The following ADAM33 variants were observed in gnomAD, a reference collection of about 807,000 sequenced individuals.
The protein encoded by ADAM33 is disintegrin and metalloproteinase domain-containing protein 33.
ADAM33 carries 103 observed loss-of-function variants against 106.2 expected under a neutral mutation model. The ratio of observed to expected loss-of-function variants is 0.97; its 90% CI spans 0.83 to 1.14. The LOEUF is 1.14. ADAM33 is among the 50% of genes most tolerant of loss of function. The pLI, the probability that ADAM33 is intolerant of heterozygous loss-of-function variation, is 0.00. For synonymous variants in ADAM33, 483 were observed against 453.0 expected, an observed-to-expected ratio of 1.07 and a Z score of -0.84; for missense variants, 1,120 against 1,096.6, an observed-to-expected ratio of 1.02 and a Z score of -0.30.
chr20:3,671,400 C>T lies in ADAM33; in HGVS notation c.1983+19G>A. The stretch of plus-strand genomic sequence containing the variant: ...AGGATTAGGAACCCCAAGGTCACCC[C>T]CACTCCTCGGGCTCTCACCCCGTGG... On this transcript the variant is annotated intron_variant, in intron 17 of 21. Transcript: ENST00000356518. 1 of 1,611,298 alleles carries T rather than the reference C, an allele frequency of 6.2e-7. No individual in the cohort carries two copies. The highest frequency in any genetic ancestry group is 1.1e-5 in the South Asian group (1 of 90,982).
chr20:3,680,501 A>G (rs2088394379), intron 1 of ADAM33, among the ~76,000 whole-genome samples: 1 of 152,092 alleles, frequency 6.6e-6, no homozygotes, highest in African/African-American at 2.4e-5. Context: ...CCAGACTACA[A>G]ACATCAAAGA....
chr20:3,677,029 A>G, intron 3 of ADAM33, 38 bp downstream of exon 3: 1 of 1,603,580 alleles, frequency 6.2e-7, no homozygotes. Flanking sequence ...CCCAACACTG[A>G]TCCCCTCCTC....
intron 19 of ADAM33, chr20:3,669,957 C>T: frequency 2.0e-6 from 1 of 507,832 alleles, no homozygotes; most frequent in South Asian, 2.1e-5. Flanking sequence ...GGATGTCCGC[C>T]CCTTCGGCAG....
At chr20:3,679,219 G>A (rs1031390870) in intron 2 of ADAM33, among the ~76,000 whole-genome samples, 1 of 151,094 alleles carries the variant, frequency 6.6e-6, no homozygotes, top group African/African-American at 2.4e-5. Flanking sequence ...TGGGGGTGGG[G>A]GTGGCCCAGA....
intron 1 of ADAM33, among the ~76,000 whole-genome samples, chr20:3,679,825 C>G (rs1197611507): frequency 6.6e-6 from 1 of 152,168 alleles, no homozygotes; most frequent in African/African-American, 2.4e-5. Context: ...ACACGGGAGT[C>G]CCCTGACCTT....
intron 8 of ADAM33, 32 bp downstream of exon 8, chr20:3,674,032 C>T (rs777480732): frequency 2.0e-5 from 32 of 1,613,460 alleles, no homozygotes; most frequent in Non-Finnish European, 2.5e-5. Flanking sequence ...CGCCGCCACC[C>T]CCATCACCGC....
At chr20:3,669,028 C>G (rs1404661746) in intron 21 of ADAM33, 28 bp from the exon 22 acceptor site, 2 of 1,613,678 alleles carry the variant, frequency 1.2e-6, no homozygotes, top group South Asian at 2.2e-5. Context: ...ATGTTGTCCC[C>G]TAAGGACTGG....
In ADAM33 at chr20:3,669,591, G is replaced by T; in HGVS notation, c.2287C>A (p.Pro763Thr). Residue 763 changes from proline to threonine, a missense_variant, in exon 20 of 22, where the codon CCC becomes ACC. By Grantham distance (38) the Pro-to-Thr change is conservative. Coordinates refer to ENST00000356518, the MANE Select transcript of ADAM33 (RefSeq NM_025220.5). The stretch of plus-strand genomic sequence containing the variant: ...GTGGCTGTGGGGCCCAACTCCATGG[G>T]GTGAACGCCGCCCAGGGGGTGGTCC... Reference protein sequence around the residue: ...HRDHPLGGVHPMELGPTATGQ... With the variant: ...HRDHPLGGVHTMELGPTATGQ... 6.2e-7 allele frequency: 1 copy of T among 1,603,738 alleles called. No homozygotes were observed. The highest frequency in any genetic ancestry group is 1.7e-5 in the Admixed American group (1 of 58,376).
chr20:3,669,626 C>T lies in ADAM33; in HGVS notation c.2252G>A (p.Gly751Asp), dbSNP rs1429772298. Residue 751 changes from glycine (G) to aspartate (D), a missense_variant, in exon 20 of 22, where the codon GGC becomes GAC. Coordinates refer to ENST00000356518, the MANE Select transcript of ADAM33 (RefSeq NM_025220.5). The part of the protein sequence containing the change: ...RDPACSGPKD[G>D]PHRDHPLGGV... Reference sequence around the variant, plus strand: ...GCCCAGGGGGTGGTCCCTGTGTGGGCCATCTTTGGGGCTGAGCAACGTGAT... The same window carrying T: ...GCCCAGGGGGTGGTCCCTGTGTGGGTCATCTTTGGGGCTGAGCAACGTGAT... 1 of 1,601,544 alleles carries T rather than the reference C, an allele frequency of 6.2e-7. No individual in the cohort carries two copies. Among genetic ancestry groups the T allele is most frequent in the Non-Finnish European group, 8.5e-7 (1 of 1,175,048 alleles).
intron 21 of ADAM33, 122 bp from the exon 22 acceptor site, chr20:3,669,122 C>T: frequency 4.6e-6 from 6 of 1,303,848 alleles, no homozygotes; most frequent in Non-Finnish European, 6.7e-6. Context: ...CAGCTTCTCC[C>T]TCCCCAGCCC....
At chr20:3,678,150 G>A (rs572983856) in intron 2 of ADAM33, among the ~76,000 whole-genome samples, 7 of 152,376 alleles carry the variant, frequency 4.6e-5, no homozygotes, top group East Asian at 3.9e-4. Flanking sequence ...GGTCTGCACC[G>A]GGAAAAAGGC....
At position 3,669,530 on chromosome 20, in the gene ADAM33, C is replaced by G. The variant is rs748150076; in HGVS notation, c.2332+16G>C. Reference sequence around the variant, plus strand: ...TTCTCCCTTCCCTCTCCACCTCCCCCTGGTGCCTCACTCACCCAGGGGCCA... The same window carrying G: ...TTCTCCCTTCCCTCTCCACCTCCCCGTGGTGCCTCACTCACCCAGGGGCCA... On this transcript the variant is annotated intron_variant, in intron 20 of 21. Coordinates refer to ENST00000356518, the MANE Select transcript of ADAM33 (RefSeq NM_025220.5). 7.0e-6 allele frequency: 11 copies of G among 1,569,520 alleles called. No homozygotes were observed. The South Asian group carries it at 1.3e-4, about 18-fold the overall frequency.
rs553889164 is a variant in ADAM33, at chr20:3,668,607, A to G, written c.*356T>C. The G allele has an allele frequency of 2.5e-4, 81 of 329,092 alleles. No homozygotes were observed. The South Asian group carries it at 3.2e-3, about 13-fold the overall frequency. The allele number at this position is 329,092 out of a possible 1,614,324, so 20.4% of individuals were successfully genotyped here. ...CCTCCACAGAGCTGGGTCCGTGGAA[A>G]TTGCATGTAGGAGACACACCAGACT... is the stretch of plus-strand genomic sequence containing the variant. On this transcript the variant is annotated 3_prime_UTR_variant, in exon 22 of 22. Transcript: ENST00000356518.
chr20:3,675,930 A>C lies in ADAM33; in HGVS notation c.255-825T>G, dbSNP rs2087915990. The stretch of plus-strand genomic sequence containing the variant: ...TGCCCCCTACCCCTGCCCCACACAC[A>C]CCCGCCACCCTAGGAGGTAGGTGAT... On this transcript the variant is annotated intron_variant, in intron 3 of 21. Transcript: ENST00000356518. This position sits in a 1 kb window ranked among gnomAD's most constrained non-coding sequence, Gnocchi z 4.1. Among the ~76,000 whole-genome samples the C allele has an allele frequency of 7.2e-6, 1 of 139,696 alleles. No homozygotes were observed. The highest frequency in any genetic ancestry group is 1.6e-5 in the Non-Finnish European group (1 of 64,322). The allele number at this position is 139,696 out of a possible 152,430, so 91.6% of individuals were successfully genotyped here.
intron 1 of ADAM33, 137 bp from the exon 2 acceptor site, chr20:3,679,708 C>T (rs965631692): frequency 1.2e-5 from 8 of 684,292 alleles, no homozygotes; most frequent in East Asian, 2.8e-5. Context: ...CTTCAACACG[C>T]GTGGGCTCAG....
At chr20:3,672,059 C>A in intron 14 of ADAM33, 74 bp from the exon 15 acceptor site, 2 of 1,569,806 alleles carry the variant, frequency 1.3e-6, no homozygotes, top group Non-Finnish European at 1.7e-6. Context: ...TTCCCCTGCC[C>A]ATCTTCCCCA....
rs1377298973 is a variant in ADAM33 at position 3,673,363 on chromosome 20, G to A, written c.1124C>T (p.Ala375Val). 6.5e-7 allele frequency: 1 copy of A among 1,539,624 alleles called. No individual in the cohort carries two copies. The highest frequency in any genetic ancestry group is 1.2e-5 in the South Asian group (1 of 84,294). ...AAESGGCVMA[A>V]ATGHPFPRVF... ...CCCCCCACCCGCGTACCCGGTGGCC[G>A]CAGCCATGACGCAGCCTCCGGACTC... Residue 375 changes from alanine (A) to valine (V), a missense_variant, in exon 11 of 22, where the codon GCG (alanine) becomes GTG (valine). Coordinates refer to ENST00000356518, the MANE Select transcript of ADAM33 (RefSeq NM_025220.5).
Position 3,671,709 on chromosome 20 carries a change from CTGG to C in ADAM33, c.1774_1776del (p.Pro592del), listed in dbSNP as rs762768478. The C allele has an allele frequency of 6.4e-5, 101 of 1,587,368 alleles. 1 individual carries two copies. The highest frequency in any genetic ancestry group is 8.1e-5 in the Non-Finnish European group (94 of 1,166,682). On this transcript the variant is annotated inframe_deletion, in exon 16 of 22. Transcript: ENST00000356518. ...CCATCTAGGTGAACGGTAGAGTCCA[CTGG>C]CACCATGTGCGGTGCGAGCAGGCTG...
intron 21 of ADAM33, 108 bp from the exon 22 acceptor site, chr20:3,669,108 G>T: frequency 7.2e-7 from 1 of 1,383,400 alleles, no homozygotes; most frequent in Non-Finnish European, 1.0e-6. Context: ...TCCAGGAAAA[G>T]CCACAGCTTC....
Sources: gnomAD v4.1 joint callset for allele counts (sites outside exome capture counted in the v4.1 genomes callset) on GRCh38, gnomAD v4.1.1 for gene constraint, Gnocchi (gnomAD v3.1) non-coding constraint, MANE v1.5 for transcripts, NCBI Gene and HGNC (gene_info 2026-07-23, HGNC 2026-07-21) for gene names.